C8orf34: variants seen among roughly 807,000 people sequenced by gnomAD.
C8orf34 encodes chromosome 8 open reading frame 34.
Under a neutral mutation model 68.3 loss-of-function variants are expected in C8orf34, and 65 were observed. The observed-to-expected ratio is 0.95, with a 90% CI of 0.78 to 1.17. C8orf34 has a LOEUF of 1.17. C8orf34 is among the 50% of genes most tolerant of loss of function. The probability of loss-of-function intolerance (pLI) is 0.00; values close to 1 mark genes in which losing one functional copy is unlikely to be tolerated. For synonymous variants in C8orf34, 244 were observed against 241.2 expected (o/e 1.01, Z -0.11); for missense variants, 664 against 655.4 (o/e 1.01, Z -0.14).
chr8:68,805,430 A>G (rs1001522322), intron 12 of C8orf34, among the ~76,000 whole-genome samples: 1 of 152,206 alleles, frequency 6.6e-6, no homozygotes, highest in South Asian at 2.1e-4. Flanking sequence ...TCAGTTAGCA[A>G]GAGCTGTGTG....
At chr8:68,743,548 G>T (rs138558614) in intron 10 of C8orf34, among the ~76,000 whole-genome samples, 5 of 152,166 alleles carry the variant, frequency 3.3e-5, no homozygotes, top group Non-Finnish European at 7.3e-5. Context: ...AGCCGAACCA[G>T]GGCGAGGCAT....
intron 10 of C8orf34, among the ~76,000 whole-genome samples, chr8:68,745,015 A>T (rs997468206): frequency 2.0e-5 from 3 of 152,132 alleles, no homozygotes; most frequent in African/African-American, 4.8e-5. Context: ...AGGGAAGCCC[A>T]TCAGACTAAC....
chr8:68,804,361 A>T (rs546322437), intron 12 of C8orf34, among the ~76,000 whole-genome samples: 1 of 152,322 alleles, frequency 6.6e-6, no homozygotes, highest in East Asian at 1.9e-4. Context: ...GCTAAATAAC[A>T]TGCTTTTATA....
At chr8:68,586,460 C>G (rs1167035702) in intron 7 of C8orf34, among the ~76,000 whole-genome samples, 1 of 152,094 alleles carries the variant, frequency 6.6e-6, no homozygotes, top group Non-Finnish European at 1.5e-5. Flanking sequence ...AGCCATCTCT[C>G]TACTTTGTGA....
rs907533220 is a variant in C8orf34 at position 68,595,604 on chromosome 8, T to A, written c.1106-44772T>A. ...ATTCTTTAGATATTCCCCTGATAAATCATTTGAATCTGAGGACTTGTATGT... is the reference window on the plus strand; with the variant it reads ...ATTCTTTAGATATTCCCCTGATAAAACATTTGAATCTGAGGACTTGTATGT... On this transcript the variant is annotated intron_variant, in intron 7 of 13. Coordinates refer to ENST00000518698, the MANE Select transcript of C8orf34 (RefSeq NM_052958.4). Among the ~76,000 whole-genome samples, 5 of 152,100 alleles carry A rather than the reference T, an allele frequency of 3.3e-5. No homozygotes were observed. In the South Asian group the frequency reaches 6.2e-4, roughly 19 times the overall value.
At chr8:68,602,194 A>G (rs144510054) in intron 7 of C8orf34, among the ~76,000 whole-genome samples, 13 of 152,248 alleles carry the variant, frequency 8.5e-5, no homozygotes, top group Admixed American at 2.6e-4. Context: ...TGGAGTGCCA[A>G]CTAATCCCAC....
chr8:68,437,649 A>G (rs1186298051), intron 1 of C8orf34, among the ~76,000 whole-genome samples: 1 of 152,128 alleles, frequency 6.6e-6, no homozygotes, highest in Non-Finnish European at 1.5e-5. Context: ...TTAATTTATT[A>G]TTATAATTGA....
chr8:68,770,171 A>C (rs1161728930), intron 10 of C8orf34, among the ~76,000 whole-genome samples: 1 of 152,206 alleles, frequency 6.6e-6, no homozygotes, highest in East Asian at 1.9e-4. Flanking sequence ...CAAGTTTTTA[A>C]TACTCTTTTT....
intron 1 of C8orf34, among the ~76,000 whole-genome samples, chr8:68,347,041 T>C (rs1253323229): frequency 6.6e-6 from 1 of 152,070 alleles, no homozygotes; most frequent in African/African-American, 2.4e-5. Context: ...GGGGCTGTTA[T>C]AAATATTATT....
intron 1 of C8orf34, among the ~76,000 whole-genome samples, chr8:68,420,741 T>C (rs12545860): frequency 0.4 from 61,124 of 151,810 alleles, 12,436 homozygotes; most frequent in Non-Finnish European, 0.45. Flanking sequence ...AAATAAAAAA[T>C]ACATTAACAG....
At chr8:68,585,420 T>C (rs141325739) in intron 7 of C8orf34, among the ~76,000 whole-genome samples, 2 of 152,300 alleles carry the variant, frequency 1.3e-5, no homozygotes, top group African/African-American at 4.8e-5. Context: ...AAAGATTGGA[T>C]TCTCATGTTG....
chr8:68,652,982 A>G (rs1819406503), intron 8 of C8orf34, among the ~76,000 whole-genome samples: 1 of 152,204 alleles, frequency 6.6e-6, no homozygotes, highest in Non-Finnish European at 1.5e-5. Context: ...CTCAAATTAT[A>G]ACAGTGTTGT....
At chr8:68,379,465 T>C (rs1807941255) in intron 1 of C8orf34, among the ~76,000 whole-genome samples, 1 of 152,202 alleles carries the variant, frequency 6.6e-6, no homozygotes, top group African/African-American at 2.4e-5. Flanking sequence ...CATGCCCCGC[T>C]CCACAGCAGC....
chr8:68,654,302 AC>A (rs1819449514), intron 8 of C8orf34, among the ~76,000 whole-genome samples: 1 of 152,204 alleles, frequency 6.6e-6, no homozygotes, highest in Non-Finnish European at 1.5e-5. Flanking sequence ...TTGATAAATT[AC>A]CCAGTCCAAG....
chr8:68,337,072 C>G (rs1321259559), intron 1 of C8orf34, among the ~76,000 whole-genome samples: 3 of 152,158 alleles, frequency 2.0e-5, no homozygotes, highest in African/African-American at 7.2e-5. Context: ...AAAATTACTA[C>G]TTGGCAACCA....
intron 5 of C8orf34, among the ~76,000 whole-genome samples, chr8:68,494,770 C>A (rs1156286103): frequency 2.0e-5 from 3 of 151,744 alleles, no homozygotes; most frequent in African/African-American, 4.8e-5. Flanking sequence ...GCAGGAGAAC[C>A]ACTTGAACAC....
chr8:68,543,196 C>T (rs1207852640), intron 7 of C8orf34, among the ~76,000 whole-genome samples: 1 of 151,980 alleles, frequency 6.6e-6, no homozygotes, highest in Non-Finnish European at 1.5e-5. Context: ...AAAGTTTAGA[C>T]ATTTGAACAA....
intron 12 of C8orf34, among the ~76,000 whole-genome samples, chr8:68,802,652 C>T (rs1424819773): frequency 1.3e-5 from 2 of 151,958 alleles, no homozygotes; most frequent in East Asian, 3.9e-4. Flanking sequence ...GGGTATGCCA[C>T]CATGCCAGAT....
At chr8:68,472,873 G>A (rs1041291786) in intron 4 of C8orf34, among the ~76,000 whole-genome samples, 1 of 151,886 alleles carries the variant, frequency 6.6e-6, no homozygotes, top group Non-Finnish European at 1.5e-5. Flanking sequence ...TTAATTCACA[G>A]CACCTCTCGT....
Sources: allele counts gnomAD v4.1 joint callset (sites outside exome capture counted in the v4.1 genomes callset), GRCh38; gene constraint gnomAD v4.1.1; transcripts MANE v1.5; gene names NCBI Gene and HGNC (gene_info 2026-07-23, HGNC 2026-07-21).